The following CFAP47 variants were observed in gnomAD, a reference collection of about 807,000 sequenced individuals.
CFAP47 encodes cilia and flagella associated protein 47.
Under a neutral mutation model 148.1 loss-of-function variants are expected in CFAP47, and 29 were observed. That is an observed-to-expected ratio of 0.20 (90% CI 0.15 to 0.27). The LOEUF is 0.27. Among genes scored for constraint, CFAP47 ranks in the 10% least tolerant of loss-of-function variants. CFAP47 has a pLI of 1.00. For synonymous variants in CFAP47, 664 were observed against 577.3 expected (o/e 1.15, Z -2.15); for missense variants, 1,872 against 1,697.5 (o/e 1.10, Z -1.81).
At chrX:36,105,522 C>T (rs1425319392) in intron 33 of CFAP47, among the ~76,000 whole-genome samples, 4 of 111,313 alleles carry the variant, frequency 3.6e-5, no homozygotes, top group African/African-American at 1.3e-4. Context: ...TTATGATTGC[C>T]CTTAAATTGA....
intron 1 of CFAP47, among the ~76,000 whole-genome samples, chrX:35,924,140 T>C (rs778127692): frequency 3.0e-5 from 3 of 98,938 alleles, no homozygotes; most frequent in East Asian, 6.5e-4. Context: ...TGTATATGTG[T>C]ACATGTATGC....
intron 39 of CFAP47, among the ~76,000 whole-genome samples, chrX:36,169,123 A>G (rs1939533030): frequency 9.0e-6 from 1 of 110,744 alleles, no homozygotes; most frequent in South Asian, 3.8e-4. Context: ...AGCATTTCAG[A>G]TGGAAAGTCA....
intron 50 of CFAP47, among the ~76,000 whole-genome samples, chrX:36,284,551 C>T (rs985796492): frequency 9.0e-6 from 1 of 111,236 alleles, no homozygotes; most frequent in Non-Finnish European, 1.9e-5. Context: ...AAGCTATGAA[C>T]GCCATACAGT....
rs150954335 is a variant in CFAP47, at chrX:36,301,533, G to A, written c.7970+354G>A. On this transcript the variant is annotated intron_variant, in intron 53 of 63. Transcript: ENST00000378653. The stretch of plus-strand genomic sequence containing the variant: ...AGTAAAGGAAGGTCAAGCAGATATA[G>A]ACAGAATCTTTGGAGGGAAAGCTGG... Among the ~76,000 whole-genome samples, 515 of 110,347 alleles carry A rather than the reference G, an allele frequency of 4.7e-3. 2 individuals are homozygous for A. The highest frequency in any genetic ancestry group is 0.016 in the African/African-American group (483 of 30,470).
chrX:35,966,272 A>G (rs1045111973), intron 8 of CFAP47, among the ~76,000 whole-genome samples: 1 of 112,504 alleles, frequency 8.9e-6, no homozygotes, highest in African/African-American at 3.2e-5. Flanking sequence ...CTAATATTTA[A>G]GAAATATTAG....
At chrX:36,068,573 A>G (rs1937683245) in intron 27 of CFAP47, among the ~76,000 whole-genome samples, 1 of 112,372 alleles carries the variant, frequency 8.9e-6, no homozygotes. Context: ...TTTTAAAGCA[A>G]TTTATGGAAT....
rs747987828 is a variant in CFAP47, at chrX:35,937,510, G to A, written c.402-3773G>A. ...TTCATCATTCTCTTTTGCTTGCCTC[G>A]TGTACCATTTTCAGGGTTTATAGTT... On this transcript the variant is annotated intron_variant, in intron 2 of 63. Coordinates refer to ENST00000378653, the MANE Select transcript of CFAP47 (RefSeq NM_001304548.2). Among the ~76,000 whole-genome samples, 40 of 109,815 alleles carry A rather than the reference G, an allele frequency of 3.6e-4. No homozygotes were observed. In the East Asian group the frequency reaches 0.011, roughly 29 times the overall value.
At chrX:36,197,732 G>A (rs1441031283) in intron 42 of CFAP47, among the ~76,000 whole-genome samples, 1 of 111,699 alleles carries the variant, frequency 9.0e-6, no homozygotes, top group Non-Finnish European at 1.9e-5. Flanking sequence ...TTTATTGCCA[G>A]GAGTGTATAG....
At chrX:35,959,638 C>T (rs1422200333) in intron 8 of CFAP47, among the ~76,000 whole-genome samples, 1 of 111,094 alleles carries the variant, frequency 9.0e-6, no homozygotes, top group African/African-American at 3.3e-5. Context: ...GAAACCCTGT[C>T]TCTACTAAAA....
intron 61 of CFAP47, among the ~76,000 whole-genome samples, chrX:36,362,070 G>T (rs1941833364): frequency 8.9e-6 from 1 of 111,938 alleles, no homozygotes. Context: ...AACACTATAT[G>T]ATATTTCACT....
At chrX:36,015,981 C>T (rs1419787155) in intron 22 of CFAP47, among the ~76,000 whole-genome samples, 1 of 109,797 alleles carries the variant, frequency 9.1e-6, no homozygotes, top group Non-Finnish European at 1.9e-5. Flanking sequence ...TTGAAACCAG[C>T]TCTGTTTCAT....
intron 33 of CFAP47, among the ~76,000 whole-genome samples, chrX:36,122,708 ATTATC>A (rs756647524): frequency 9.0e-6 from 1 of 111,038 alleles, no homozygotes; most frequent in Non-Finnish European, 1.9e-5. Context: ...CCTTCTCCAT[ATTATC>A]TTGAATTTCT....
intron 40 of CFAP47, among the ~76,000 whole-genome samples, chrX:36,184,807 C>T (rs62590703): frequency 0.1 from 10,969 of 109,440 alleles, 555 homozygotes; most frequent in East Asian, 0.26. Context: ...GTGGCTCATG[C>T]CTGTAATCCC....
intron 59 of CFAP47, among the ~76,000 whole-genome samples, chrX:36,351,711 A>G (rs782107430): frequency 9.8e-5 from 11 of 112,174 alleles, no homozygotes; most frequent in African/African-American, 3.5e-4. Context: ...AGCTTGTGTT[A>G]GATTAGCACA....
chrX:36,211,658 A>G, intron 45 of CFAP47: 1 of 198,080 alleles, frequency 5.0e-6, no homozygotes, highest in Non-Finnish European at 9.7e-6. Context: ...TGAAAACAGT[A>G]AGAAAAAGAA....
intron 48 of CFAP47, among the ~76,000 whole-genome samples, chrX:36,248,889 A>G (rs1315670253): frequency 9.0e-6 from 1 of 110,837 alleles, no homozygotes; most frequent in Non-Finnish European, 1.9e-5. Context: ...TAAATTTGGG[A>G]AATCCTTGAA....
At chrX:36,217,929 G>T (rs181189904) in intron 45 of CFAP47, among the ~76,000 whole-genome samples, 2 of 111,599 alleles carry the variant, frequency 1.8e-5, no homozygotes, top group African/African-American at 3.2e-5. Context: ...AAAGTTTCTT[G>T]TTCTTTCTGT....
At chrX:36,077,183 C>G (rs1253830600) in intron 29 of CFAP47, among the ~76,000 whole-genome samples, 2 of 20,995 alleles carry the variant, frequency 9.5e-5, no homozygotes, top group Non-Finnish European at 1.8e-4. Context: ...GCGCCTCCAG[C>G]TTTTTTTTTT....
chrX:36,000,413 T>A lies in CFAP47; in HGVS notation c.3308T>A (p.Leu1103His), dbSNP rs1490640380. 3.4e-6 allele frequency: 1 copy of A among 293,516 alleles called. No homozygotes were observed. Among genetic ancestry groups the A allele is most frequent in the African/African-American group, 2.8e-5 (1 of 36,298 alleles). The allele number at this position is 293,516 out of a possible 1,213,427, so 24.2% of individuals were successfully genotyped here. A position where few individuals can be genotyped will look rare whatever the true frequency, so the allele number is the denominator to read the frequency against. Residue 1103 changes from leucine to histidine, a missense_variant, in exon 20 of 64, where the codon CTT (leucine) becomes CAT (histidine). Transcript: ENST00000378653. ...GACTTTCCGGATTTTTCAATGGATCTTAAAGACAAATCAGGTATATATTTT... is the reference window on the plus strand; with the variant it reads ...GACTTTCCGGATTTTTCAATGGATCATAAAGACAAATCAGGTATATATTTT... Reference protein sequence around the residue: ...LKDFPDFSMDLKDKSEEFKDP... With the variant: ...LKDFPDFSMDHKDKSEEFKDP...
Sources: gnomAD v4.1 joint callset for allele counts (sites outside exome capture counted in the v4.1 genomes callset) on GRCh38, gnomAD v4.1.1 for gene constraint, MANE v1.5 for transcripts, NCBI Gene and HGNC (gene_info 2026-07-23, HGNC 2026-07-21) for gene names.